Variants in SYNE2 observed in about 807,000 individuals in gnomAD.
SYNE2 encodes the protein nesprin-2.
SYNE2 carries 431 observed loss-of-function variants against 856.3 expected under a neutral mutation model. The ratio of observed to expected loss-of-function variants is 0.50; its 90% CI spans 0.47 to 0.55. The LOEUF is 0.55. Ranked by LOEUF, SYNE2 falls within the 20% of genes least tolerant of loss-of-function variation. The pLI is 0.00. For synonymous variants in SYNE2, 2,923 were observed against 2,872.3 expected, an observed-to-expected ratio of 1.02 and a Z score of -0.56; for missense variants, 8,129 against 8,023.2, an observed-to-expected ratio of 1.01 and a Z score of -0.50.
At chr14:63,799,644 C>T (rs1888055372) in intron 1 of SYNE2, among the ~76,000 whole-genome samples, 1 of 152,110 alleles carries the variant, frequency 6.6e-6, no homozygotes, top group Non-Finnish European at 1.5e-5. Flanking sequence ...GCAGAGCTGG[C>T]AGTGAGCCAC....
intron 65 of SYNE2, among the ~76,000 whole-genome samples, chr14:64,110,376 A>C (rs1341408208): frequency 6.6e-6 from 1 of 152,166 alleles, no homozygotes; most frequent in Non-Finnish European, 1.5e-5. Context: ...GGATACTAAA[A>C]GGTTGGTGAA....
chr14:64,225,931 G>C lies in SYNE2; in HGVS notation c.*405G>C. 2.6e-6 allele frequency: 1 copy of C among 385,890 alleles called. No individual in the cohort carries two copies. Among genetic ancestry groups the C allele is most frequent in the Non-Finnish European group, 4.7e-6 (1 of 211,898 alleles). The allele number at this position is 385,890 out of a possible 1,614,324, so 23.9% of individuals were successfully genotyped here. ...AGCGAGGACATTCCACCCTAGAAATGGTTCAGAAACTCATAGGCACCCTTA... is the reference window on the plus strand; with the variant it reads ...AGCGAGGACATTCCACCCTAGAAATCGTTCAGAAACTCATAGGCACCCTTA... On this transcript the variant is annotated 3_prime_UTR_variant, in exon 116 of 116. Coordinates refer to ENST00000555002, the MANE Select transcript of SYNE2 (RefSeq NM_182914.3).
rs370681732 is a variant in SYNE2, at chr14:64,119,459, C to G, written c.12873C>G (p.Ala4291=). Residue 4291 remains alanine (A), a synonymous_variant, in exon 67 of 116, where the codon GCC becomes GCG. Coordinates refer to ENST00000555002, the MANE Select transcript of SYNE2 (RefSeq NM_182914.3). The part of the protein sequence containing the change: ...AMLTEIEHKV[A]FLLETCKDQG... ...TAACAGAGATTGAGCACAAGGTTGCCTTTCTGTTAGAGACTTGCAAAGATC... is the reference window on the plus strand; with the variant it reads ...TAACAGAGATTGAGCACAAGGTTGCGTTTCTGTTAGAGACTTGCAAAGATC... 1.2e-6 allele frequency: 2 copies of G among 1,614,062 alleles called. No individual in the cohort carries two copies. The highest frequency in any genetic ancestry group is 1.3e-5 in the African/African-American group (1 of 74,922).
At position 63,993,901 on chromosome 14, in the gene SYNE2, A is replaced by C; in HGVS notation, c.2713A>C (p.Asn905His). 2 of 1,613,424 alleles carry C rather than the reference A, an allele frequency of 1.2e-6. No homozygotes were observed. The highest frequency in any genetic ancestry group is 1.7e-6 in the Non-Finnish European group (2 of 1,179,544). ...TTTGAAAGCTGTTGAAGAACTAAAA[A>C]ATAATGTAACTGAGGACATAAAGAT... ...KYLKAVEELK[N>H]NVTEDIKMSL... is the part of the protein sequence containing the mutation. Residue 905 changes from asparagine (N) to histidine (H), a missense_variant, in exon 22 of 116, where the codon AAT (asparagine) becomes CAT (histidine). Around this residue, in one of 3 missense-constraint regions of SYNE2, gnomAD observed 2,422 missense variants for 2,357.4 expected, o/e 1.03. Transcript: ENST00000555002.
chr14:64,018,564 C>T (rs2096912664), intron 34 of SYNE2, among the ~76,000 whole-genome samples: 1 of 152,120 alleles, frequency 6.6e-6, no homozygotes, highest in Non-Finnish European at 1.5e-5. Context: ...CTTAAAGGGC[C>T]ATATAGTAAA....
intron 11 of SYNE2, among the ~76,000 whole-genome samples, chr14:63,972,858 CCT>C (rs1414733911): frequency 1.8e-4 from 28 of 152,302 alleles, no homozygotes; most frequent in African/African-American, 6.7e-4. Flanking sequence ...TTGCTCTTAG[CCT>C]CTCTTTAACT....
At position 64,223,469 on chromosome 14, in the gene SYNE2, G is replaced by A. The variant is rs1045736799; in HGVS notation, c.20382+89G>A. On this transcript the variant is annotated intron_variant, in intron 113 of 115. Coordinates refer to ENST00000555002, the MANE Select transcript of SYNE2 (RefSeq NM_182914.3). ...GTTGTAGCAATGCTCTAAGACAGAG[G>A]CCAGAAGCAAGGGCCAGGTGGTCCG... The A allele has an allele frequency of 5.9e-6, 9 of 1,514,046 alleles. No individual in the cohort carries two copies. The African/African-American group carries it at 1.1e-4, about 19-fold the overall frequency. 93.8% of individuals were successfully genotyped at this position (1,514,046 alleles called of 1,614,324 possible). A position where few individuals can be genotyped will look rare whatever the true frequency, so the allele number is the denominator to read the frequency against.
intron 45 of SYNE2, among the ~76,000 whole-genome samples, chr14:64,036,301 T>C (rs951779073): frequency 5.9e-5 from 9 of 152,118 alleles, no homozygotes; most frequent in Admixed American, 2.6e-4. Context: ...TGTTTGTTTG[T>C]TTGGAGAAAG....
rs373600981 is a variant in SYNE2, at chr14:64,026,760, A to G, written c.6404+30A>G. 5.5e-5 allele frequency: 88 copies of G among 1,587,912 alleles called. No homozygotes were observed. The African/African-American group carries it at 1.0e-3, about 18-fold the overall frequency. ...AGGGCATGCCTGCACCACTTGCATC[A>G]TATCCCATTGCCCAGTGAAGCCATA... is the stretch of plus-strand genomic sequence containing the variant. On this transcript the variant is annotated intron_variant, in intron 42 of 115. Transcript: ENST00000555002.
At chr14:63,834,840 C>T (rs1889792006) in intron 1 of SYNE2, among the ~76,000 whole-genome samples, 1 of 150,420 alleles carries the variant, frequency 6.6e-6, no homozygotes. Context: ...AGAGTTTCAC[C>T]ATGTTGGCCA....
At chr14:63,905,593 C>T (rs2095398156) in intron 1 of SYNE2, among the ~76,000 whole-genome samples, 1 of 152,152 alleles carries the variant, frequency 6.6e-6, no homozygotes, top group Admixed American at 6.5e-5. Context: ...TCTTGACTCT[C>T]AGCCTGGATG....
intron 1 of SYNE2, among the ~76,000 whole-genome samples, chr14:63,847,269 A>T (rs1890256413): frequency 6.6e-6 from 1 of 151,320 alleles, no homozygotes; most frequent in Non-Finnish European, 1.5e-5. Flanking sequence ...ACATATAGAG[A>T]CCCTGCTTTT....
Position 64,019,867 on chromosome 14 carries a change from A to C in SYNE2, c.5050-125A>C, listed in dbSNP as rs144360038. The C allele has an allele frequency of 3.9e-4, 280 of 718,012 alleles. 4 individuals carry two copies. The African/African-American group carries it at 4.0e-3, about 10-fold the overall frequency. The allele number at this position is 718,012 out of a possible 1,614,324, so 44.5% of individuals were successfully genotyped here. A position where few individuals can be genotyped will look rare whatever the true frequency, so the allele number is the denominator to read the frequency against. The stretch of plus-strand genomic sequence containing the variant: ...TTGTAACTTCTAGGACTCTGACAAA[A>C]CACACATGATTATGGGAAATTCAAG... On this transcript the variant is annotated intron_variant, in intron 34 of 115. Coordinates refer to ENST00000555002, the MANE Select transcript of SYNE2 (RefSeq NM_182914.3).
intron 64 of SYNE2, among the ~76,000 whole-genome samples, chr14:64,102,244 G>A (rs910739741): frequency 1.3e-5 from 2 of 152,140 alleles, no homozygotes; most frequent in African/African-American, 2.4e-5. Context: ...AGCCTCCCAA[G>A]TAGCTGGGAT....
intron 45 of SYNE2, among the ~76,000 whole-genome samples, chr14:64,044,976 T>C (rs1361229176): frequency 1.3e-5 from 2 of 152,162 alleles, no homozygotes; most frequent in African/African-American, 4.8e-5. Flanking sequence ...TATTTTAAAA[T>C]AAAATGTTTA....
In SYNE2 at chr14:64,021,333, T is replaced by C. The variant is rs2096934516; in HGVS notation, c.5170T>C (p.Leu1724=). Reference sequence around the variant, plus strand: ...ATTTCAGGTCATGGAGTCCTCTATTTTGAACAAGATGGAACATGTACAGAA... The same window carrying C: ...ATTTCAGGTCATGGAGTCCTCTATTCTGAACAAGATGGAACATGTACAGAA... The part of the protein sequence containing the change: ...LELQVMESSI[L]NKMEHVQKCL... The change falls in exon 36 of 116, where the codon TTG becomes CTG. Residue 1724 remains leucine (L), a synonymous_variant. Coordinates refer to ENST00000555002, the MANE Select transcript of SYNE2 (RefSeq NM_182914.3). 1 of 1,614,072 alleles carries C rather than the reference T, an allele frequency of 6.2e-7. No individual in the cohort carries two copies. The highest frequency in any genetic ancestry group is 1.3e-5 in the African/African-American group (1 of 75,062).
chr14:63,903,176 T>C (rs1316476212), intron 1 of SYNE2, among the ~76,000 whole-genome samples: 1 of 152,238 alleles, frequency 6.6e-6, no homozygotes, highest in Non-Finnish European at 1.5e-5. Flanking sequence ...AATAAGTCTC[T>C]TCAATTATAT....
In SYNE2 at chr14:64,049,665, A is replaced by G; in HGVS notation, c.7432A>G (p.Thr2478Ala). ...AGCAGCCATTAAGCCACTGGAACAAACAGAATGTCTTAACAAAACAGAAAC... is the reference window on the plus strand; with the variant it reads ...AGCAGCCATTAAGCCACTGGAACAAGCAGAATGTCTTAACAAAACAGAAAC... ...KKAAIKPLEQTECLNKTETGA... is the reference protein window; with the variant it reads ...KKAAIKPLEQAECLNKTETGA... Residue 2478 changes from threonine to alanine, a missense_variant, in exon 47 of 116, where the codon ACA becomes GCA. This residue lies in a region of SYNE2 where 5,410 missense variants were observed against 5,284.8 expected (regional missense o/e 1.02). Coordinates refer to ENST00000555002, the MANE Select transcript of SYNE2 (RefSeq NM_182914.3). The G allele has an allele frequency of 1.2e-6, 2 of 1,614,150 alleles. No homozygotes were observed. The highest frequency in any genetic ancestry group is 1.1e-5 in the South Asian group (1 of 91,074).
rs145902851 is a variant in SYNE2 at position 63,989,482 on chromosome 14, C to T, written c.2314-929C>T. On this transcript the variant is annotated intron_variant, in intron 19 of 115. Transcript: ENST00000555002. ...CCTGCCAAGTAGCTGGGACTATAGG[C>T]GCCCGCCACCACACCTGGCTAATTT... 5.0e-3 allele frequency among the ~76,000 whole-genome samples: 760 copies of T among 152,090 alleles called. 5 individuals carry two copies. Among genetic ancestry groups the T allele is most frequent in the African/African-American group, 0.018 (728 of 41,480 alleles).
Sources: allele counts gnomAD v4.1 joint callset (sites outside exome capture counted in the v4.1 genomes callset), GRCh38; gene constraint gnomAD v4.1.1; regional missense constraint gnomAD v4.1.1; transcripts MANE v1.5; gene names NCBI Gene and HGNC (gene_info 2026-07-23, HGNC 2026-07-21).